KCNG4: variants seen among roughly 807,000 people sequenced by gnomAD.
KCNG4 encodes the protein potassium voltage-gated channel modifier subfamily G member 4.
KCNG4 carries 30 observed loss-of-function variants against 28.2 expected under a neutral mutation model. The observed-to-expected ratio is 1.06, with a 90% confidence interval of 0.80 to 1.44. The LOEUF (loss-of-function observed/expected upper bound fraction) is 1.44, where lower values mean the gene tolerates loss of function less well. Ranked by LOEUF, KCNG4 falls within the 40% of genes most tolerant of loss-of-function variation. KCNG4 has a pLI of 0.00. For missense variants in KCNG4, 879 were observed against 712.3 expected (o/e 1.23, Z -2.66); for synonymous variants, 375 against 315.5 (o/e 1.19, Z -2.00).
intron 2 of KCNG4, among the ~76,000 whole-genome samples, chr16:84,231,539 C>G (rs1012913572): frequency 1.3e-5 from 2 of 152,098 alleles, no homozygotes; most frequent in African/African-American, 4.8e-5. Context: ...AAGGAAGAAC[C>G]TGGGAAACTG....
At chr16:84,229,060 AG>A (rs1369704650) in intron 2 of KCNG4, among the ~76,000 whole-genome samples, 1 of 151,972 alleles carries the variant, frequency 6.6e-6, no homozygotes, top group African/African-American at 2.4e-5. Context: ...GCACTTCGGG[AG>A]GCTGAAGTGG....
rs1414670216 is a variant in KCNG4, at chr16:84,222,638, A to C, written c.1139T>G (p.Val380Gly). 2 of 1,613,196 alleles carry C rather than the reference A, an allele frequency of 1.2e-6. No individual in the cohort carries two copies. The highest frequency in any genetic ancestry group is 3.3e-5 in the Admixed American group (2 of 59,986). Residue 380 changes from valine (V) to glycine (G), a missense_variant, in exon 3 of 3, where the codon GTG becomes GGG. Physicochemically the swap from Val to Gly is moderately radical, Grantham distance 109. Coordinates refer to ENST00000308251, the MANE Select transcript of KCNG4 (RefSeq NM_172347.3). ...CAAAGGGGAGAAGAGGGTGATGGCC[A>C]CGGCCAGGAAGAGAAGGAGCAGGCC... ...EFGLLLLFLA[V>G]AITLFSPLVY...
At chr16:84,223,592 G>A (rs112993754) in intron 2 of KCNG4, among the ~76,000 whole-genome samples, 19 of 152,268 alleles carry the variant, frequency 1.2e-4, no homozygotes, top group African/African-American at 4.6e-4. Context: ...CTCTCCTGCT[G>A]TCACTCAAGC....
At chr16:84,225,357 C>T (rs1904673338) in intron 2 of KCNG4, among the ~76,000 whole-genome samples, 1 of 152,198 alleles carries the variant, frequency 6.6e-6, no homozygotes, top group Admixed American at 6.5e-5. Context: ...GTTTCCAATG[C>T]AGAGTTTGGA....
chr16:84,228,880 C>T (rs1243582377), intron 2 of KCNG4, among the ~76,000 whole-genome samples: 1 of 152,256 alleles, frequency 6.6e-6, no homozygotes, highest in Non-Finnish European at 1.5e-5. Context: ...TCAGTCCTCT[C>T]CCGCTGCTGC....
At chr16:84,229,028 G>A (rs1357768081) in intron 2 of KCNG4, among the ~76,000 whole-genome samples, 1 of 151,952 alleles carries the variant, frequency 6.6e-6, no homozygotes, top group Non-Finnish European at 1.5e-5. Flanking sequence ...GCTGGGCATG[G>A]TGGCTCACGC....
rs931399854 is a variant in KCNG4 at position 84,219,476 on chromosome 16, C to G, written c.*2741G>C. On this transcript the variant is annotated 3_prime_UTR_variant, in exon 3 of 3. Transcript: ENST00000308251. ...GGGCACGGTGGCTCACGCCTGTAAT[C>G]CCAGCACTTTGGGAGGCCGAGGCGG... The G allele has an allele frequency of 6.6e-6, 1 of 152,132 alleles. No homozygotes were observed. The highest frequency in any genetic ancestry group is 1.5e-5 in the Non-Finnish European group (1 of 68,058). The allele number at this position is 152,132 out of a possible 1,614,324, so 9.4% of individuals were successfully genotyped here. A position where few individuals can be genotyped will look rare whatever the true frequency, so the allele number is the denominator to read the frequency against.
At chr16:84,236,564 A>G (rs1261200734) in intron 2 of KCNG4, 166 bp downstream of exon 2, 1 of 890,880 alleles carries the variant, frequency 1.1e-6, no homozygotes. Context: ...ATGGAAAATT[A>G]TCTTTTATGA....
At chr16:84,239,293 T>C (rs1452638198) in intron 1 of KCNG4, among the ~76,000 whole-genome samples, 1 of 152,208 alleles carries the variant, frequency 6.6e-6, no homozygotes, top group East Asian at 1.9e-4. Context: ...ATGAGGAGCC[T>C]GCAGAGAGAA....
At chr16:84,234,450 C>T (rs1904896441) in intron 2 of KCNG4, among the ~76,000 whole-genome samples, 1 of 152,134 alleles carries the variant, frequency 6.6e-6, no homozygotes, top group African/African-American at 2.4e-5. Context: ...GAGTGCTGAG[C>T]TTACAGGCGT....
At position 84,222,584 on chromosome 16, in the gene KCNG4, C is replaced by T. The variant is rs146566372; in HGVS notation, c.1193G>A (p.Arg398Gln). Residue 398 changes from arginine to glutamine, a missense_variant, in exon 3 of 3, where the codon CGG becomes CAG. Coordinates refer to ENST00000308251, the MANE Select transcript of KCNG4 (RefSeq NM_172347.3). ...LVYVAEKESG[R>Q]VLEFTSIPAS... ...GGGGATGCTGGTGAACTCCAGCACC[C>T]GCCCGGACTCCTTCTCGGCCACGTA... 11 of 1,613,138 alleles carry T rather than the reference C, an allele frequency of 6.8e-6. No homozygotes were observed. Among genetic ancestry groups the T allele is most frequent in the South Asian group, 6.6e-5 (6 of 91,076 alleles).
In KCNG4 at chr16:84,222,259, G is replaced by A; in HGVS notation, c.1518C>T (p.Asp506=). The A allele has an allele frequency of 3.1e-6, 5 of 1,614,180 alleles. No homozygotes were observed. The highest frequency in any genetic ancestry group is 4.2e-6 in the Non-Finnish European group (5 of 1,180,036). The change falls in exon 3 of 3, where the codon GAC becomes GAT. Residue 506 remains aspartate (D), a synonymous_variant. Transcript: ENST00000308251. ...GCAAGGCTGGGCCCTCCAGGATTAG[G>A]TCATTGACATCGTTCATGAGCTCAT... is the stretch of plus-strand genomic sequence containing the variant. ...SEHELMNDVN[D]LILEGPALPI... is the part of the protein sequence containing the mutation.
chr16:84,219,781 G>A lies in KCNG4; in HGVS notation c.*2436C>T, dbSNP rs1327693348. 6.7e-6 allele frequency: 1 copy of A among 149,564 alleles called. No individual in the cohort carries two copies. The highest frequency in any genetic ancestry group is 2.5e-5 in the African/African-American group (1 of 40,464). The allele number at this position is 149,564 out of a possible 1,614,324, so 9.3% of individuals were successfully genotyped here. On this transcript the variant is annotated 3_prime_UTR_variant, in exon 3 of 3. Transcript: ENST00000308251. ...GGGCCGGGTGCGGTGGCTCGTGCCT[G>A]TAATTCCAGCACTTTGGGAGGCCGA... is the stretch of plus-strand genomic sequence containing the variant.
Position 84,226,014 on chromosome 16 carries a change from C to T in KCNG4, c.757-2994G>A, listed in dbSNP as rs539556867. On this transcript the variant is annotated intron_variant, in intron 2 of 2. Coordinates refer to ENST00000308251, the MANE Select transcript of KCNG4 (RefSeq NM_172347.3). The surrounding 1 kb of genome is among the most constrained non-coding windows in gnomAD (Gnocchi z 4.1). ...GGAAAGAAGGAAAGAAAAAAGTTTT[C>T]CTTTCTCCCTTTGTGGAAGTTCTGT... Among the ~76,000 whole-genome samples the T allele has an allele frequency of 2.0e-5, 3 of 152,324 alleles. No individual in the cohort carries two copies. In the South Asian group the frequency reaches 6.2e-4, roughly 32 times the overall value.
intron 2 of KCNG4, among the ~76,000 whole-genome samples, chr16:84,234,455 A>C (rs940798283): frequency 2.6e-5 from 4 of 152,162 alleles, no homozygotes; most frequent in African/African-American, 9.7e-5. Flanking sequence ...CTGAGCTTAC[A>C]GGCGTGAGCC....
rs919282648 is a variant in KCNG4 at position 84,239,944 on chromosome 16, A to T, written c.-315T>A. ...ATTTTTTTTTTTTTTTAAAGGACCC[A>T]GAAGTCCCTTTCCTTATGAGAGATG... On this transcript the variant is annotated 5_prime_UTR_variant, in exon 1 of 3. Coordinates refer to ENST00000308251, the MANE Select transcript of KCNG4 (RefSeq NM_172347.3). Among the ~76,000 whole-genome samples the T allele has an allele frequency of 1.3e-5, 2 of 151,496 alleles. No homozygotes were observed. Among genetic ancestry groups the T allele is most frequent in the Non-Finnish European group, 2.9e-5 (2 of 67,846 alleles).
Position 84,222,997 on chromosome 16 carries a change from G to C in KCNG4, c.780C>G (p.Tyr260Ter). The C allele has an allele frequency of 6.5e-7, 1 of 1,534,816 alleles. No homozygotes were observed. The highest frequency in any genetic ancestry group is 8.8e-7 in the Non-Finnish European group (1 of 1,139,892). Residue 260 changes from tyrosine to a stop codon, truncating the protein, a stop_gained, in exon 3 of 3, where the codon TAC (tyrosine) becomes TAG (stop). Coordinates refer to ENST00000308251, the MANE Select transcript of KCNG4 (RefSeq NM_172347.3). LOFTEE classifies it high-confidence loss of function. ...AGATGGTCTCCACGATGAAAATATA[G>C]TAGCACTTCCGAGAGCATTCGCCCT... is the stretch of plus-strand genomic sequence containing the variant. ...EDQGECSRKCYYIFIVETICV... is the reference protein window; with the variant it reads ...EDQGECSRKC
At position 84,226,095 on chromosome 16, in the gene KCNG4, G is replaced by A. The variant is rs11648537; in HGVS notation, c.757-3075C>T. Among the ~76,000 whole-genome samples the A allele has an allele frequency of 0.2, 29,745 of 152,200 alleles. 3,083 individuals are homozygous for A. Among genetic ancestry groups the A allele is most frequent in the Non-Finnish European group, 0.23 (15,310 of 67,978 alleles). ...AACCCCCTGGGCCCTGGGCACACCG[G>A]GATGGTTGGTCACCCTATTCCTAGC... On this transcript the variant is annotated intron_variant, in intron 2 of 2. Coordinates refer to ENST00000308251, the MANE Select transcript of KCNG4 (RefSeq NM_172347.3). This position sits in a 1 kb window ranked among gnomAD's most constrained non-coding sequence, Gnocchi z 4.1.
At position 84,218,781 on chromosome 16, in the gene KCNG4, T is replaced by C. The variant is rs1021269923; in HGVS notation, c.*3436A>G. 3.3e-5 allele frequency: 5 copies of C among 152,226 alleles called. No individual in the cohort carries two copies. Among genetic ancestry groups the C allele is most frequent in the African/African-American group, 9.6e-5 (4 of 41,460 alleles). 9.4% of individuals were successfully genotyped at this position (152,226 alleles called of 1,614,324 possible). ...CAACTGGGTGAACATTAAGACACTA[T>C]AGAATCTCATAATGGTGGTGGTGCT... On this transcript the variant is annotated 3_prime_UTR_variant, in exon 3 of 3. Transcript: ENST00000308251.
Sources: gnomAD v4.1 joint callset for allele counts (sites outside exome capture counted in the v4.1 genomes callset) on GRCh38, gnomAD v4.1.1 for gene constraint, Gnocchi (gnomAD v3.1) non-coding constraint, MANE v1.5 for transcripts, NCBI Gene and HGNC (gene_info 2026-07-23, HGNC 2026-07-21) for gene names.